The following CCDC88A variants were observed in gnomAD, a reference collection of about 807,000 sequenced individuals.
The protein encoded by CCDC88A is coiled-coil and HOOK domain protein 88A, also known as girdin.
Under a neutral mutation model 234.3 loss-of-function variants are expected in CCDC88A, and 54 were observed. The ratio of observed to expected loss-of-function variants is 0.23; its 90% CI spans 0.19 to 0.29. CCDC88A has a LOEUF of 0.29. Among genes scored for constraint, CCDC88A ranks in the 10% least tolerant of loss-of-function variants. The pLI is 1.00. For missense variants in CCDC88A, 1,832 were observed against 2,123.4 expected (o/e 0.86, Z 2.70); for synonymous variants, 753 against 737.8 (o/e 1.02, Z -0.33).
At chr2:55,307,180 A>T (rs72799523) in intron 25 of CCDC88A, among the ~76,000 whole-genome samples, 17 of 152,194 alleles carry the variant, frequency 1.1e-4, no homozygotes, top group Non-Finnish European at 1.6e-4. Context: ...CTTTAAAAAA[A>T]TTTTCTGATT....
chr2:55,394,808 T>A (rs1175709808), intron 2 of CCDC88A, among the ~76,000 whole-genome samples: 32 of 57,438 alleles, frequency 5.6e-4, no homozygotes, highest in Admixed American at 1.7e-3. Context: ...TAAAGTATAA[T>A]AATAATAAAA....
intron 4 of CCDC88A, among the ~76,000 whole-genome samples, chr2:55,373,508 T>C (rs1002671846): frequency 2.6e-5 from 4 of 152,202 alleles, no homozygotes; most frequent in Non-Finnish European, 5.9e-5. Context: ...AAATTTTATA[T>C]GCCAGAACAT....
chr2:55,386,378 C>T (rs1281202541), intron 3 of CCDC88A, among the ~76,000 whole-genome samples: 1 of 151,890 alleles, frequency 6.6e-6, no homozygotes, highest in Non-Finnish European at 1.5e-5. Flanking sequence ...GGCAAGAGGA[C>T]TGCTTGAGCC....
intron 27 of CCDC88A, chr2:55,301,655 G>C (rs1680914074): frequency 5.2e-6 from 3 of 575,308 alleles, no homozygotes; most frequent in Non-Finnish European, 9.2e-6. Context: ...TAATTCATTA[G>C]CTGTTTATTA....
chr2:55,299,943 G>A (rs1429511514), intron 28 of CCDC88A, 24 bp from the exon 29 acceptor site: 3 of 1,567,328 alleles, frequency 1.9e-6, no homozygotes, highest in African/African-American at 2.7e-5. Context: ...CCAGGAGACA[G>A]TGTGATAAAA....
At position 55,418,829 on chromosome 2, in the gene CCDC88A, C is replaced by G. The variant is rs1439596632; in HGVS notation, c.151G>C (p.Val51Leu). The G allele has an allele frequency of 6.2e-7, 1 of 1,613,278 alleles. No homozygotes were observed. The change falls in exon 2 of 33, where the codon GTC (valine) becomes CTC (leucine). Residue 51 changes from valine to leucine, a missense_variant. By Grantham distance (32) the Val-to-Leu change is conservative. Coordinates refer to ENST00000436346, the MANE Select transcript of CCDC88A (RefSeq NM_001365480.1). ...ALVDGVFLNQVMLQINPKLES... is the reference protein window; with the variant it reads ...ALVDGVFLNQLMLQINPKLES... ...GGAAGAACTTACATTTGGAGCATGA[C>G]CTGGTTCAAGAATACCCCATCCACC...
In CCDC88A at chr2:55,288,757, G is replaced by T. The variant is rs1679235585; in HGVS notation, c.*2443C>A. The T allele has an allele frequency of 1.3e-5, 2 of 152,214 alleles. No individual in the cohort carries two copies. Among genetic ancestry groups the T allele is most frequent in the Non-Finnish European group, 2.9e-5 (2 of 68,004 alleles). 9.4% of individuals were successfully genotyped at this position (152,214 alleles called of 1,614,324 possible). A position where few individuals can be genotyped will look rare whatever the true frequency, so the allele number is the denominator to read the frequency against. On this transcript the variant is annotated 3_prime_UTR_variant, in exon 33 of 33. Coordinates refer to ENST00000436346, the MANE Select transcript of CCDC88A (RefSeq NM_001365480.1). ...CAGTTTCCTTGAGGGGTTAGGTGTT[G>T]ATTTAGAATACAGCCAGATAATTTA...
intron 7 of CCDC88A, 60 bp from the exon 8 acceptor site, chr2:55,355,811 A>C (rs2104763768): frequency 7.6e-7 from 1 of 1,312,340 alleles, no homozygotes; most frequent in Non-Finnish European, 1.1e-6. Context: ...AAACACATCA[A>C]CATGATCCAC....
At chr2:55,369,910 A>G (rs1352005231) in intron 5 of CCDC88A, among the ~76,000 whole-genome samples, 2 of 152,208 alleles carry the variant, frequency 1.3e-5, no homozygotes, top group East Asian at 1.9e-4. Context: ...TGTCTTCTCT[A>G]AAATTCAAAC....
chr2:55,320,694 T>C (rs1683512476), intron 18 of CCDC88A: 1 of 152,222 alleles, frequency 6.6e-6, no homozygotes, highest in Admixed American at 6.5e-5. Flanking sequence ...ACCTAACTCA[T>C]AATTTTAAAT....
intron 17 of CCDC88A, among the ~76,000 whole-genome samples, chr2:55,326,687 TG>T (rs375715116): frequency 6.6e-6 from 1 of 152,230 alleles, no homozygotes; most frequent in African/African-American, 2.4e-5. Context: ...CTCAGCCTCC[TG>T]GGTAGCTGGC....
chr2:55,378,429 A>C (rs1362946063), intron 3 of CCDC88A, among the ~76,000 whole-genome samples: 2 of 152,244 alleles, frequency 1.3e-5, no homozygotes, highest in African/African-American at 4.8e-5. Context: ...AGTACATTGT[A>C]TTTGGGTAGA....
chr2:55,296,379 T>C lies in CCDC88A; in HGVS notation c.4970A>G (p.Gln1657Arg). The change falls in exon 30 of 33, where the codon CAG becomes CGG. Residue 1657 changes from glutamine (Q) to arginine (R), a missense_variant. This residue lies in a region of CCDC88A where 422 missense variants were observed against 416.5 expected (regional missense o/e 1.01). Coordinates refer to ENST00000436346, the MANE Select transcript of CCDC88A (RefSeq NM_001365480.1). ...CTCCAGTGTTTCAGATATTTTGTGC[T>C]GGAGCACTGGGCTTGATCTGGTCTG... ...KRQTRSSPVLQHKISETLESR... is the reference protein window; with the variant it reads ...KRQTRSSPVLRHKISETLESR... 1.2e-6 allele frequency: 2 copies of C among 1,614,236 alleles called. No individual in the cohort carries two copies. Among genetic ancestry groups the C allele is most frequent in the Non-Finnish European group, 1.7e-6 (2 of 1,180,044 alleles).
chr2:55,419,249 G>A lies in CCDC88A; in HGVS notation c.-170C>T, dbSNP rs1166160319. On this transcript the variant is annotated 5_prime_UTR_variant, in exon 1 of 33. Transcript: ENST00000436346. ...CCCTCCTCAAAAAACACCCCAGAGT[G>A]AAACGAGCCGAAATCCCAAGAAGTG... 1.7e-5 allele frequency: 10 copies of A among 581,820 alleles called. No individual in the cohort carries two copies. The African/African-American group carries it at 1.9e-4, about 11-fold the overall frequency. 36.0% of individuals were successfully genotyped at this position (581,820 alleles called of 1,614,324 possible).
intron 5 of CCDC88A, among the ~76,000 whole-genome samples, chr2:55,372,069 CCTCCCTTCCCTTCTCTT>C (rs1558761664): frequency 6.6e-6 from 1 of 151,966 alleles, no homozygotes; most frequent in Admixed American, 6.6e-5. Flanking sequence ...AATTCTGCCT[CCTCCCTTCCCTTCTCTT>C]CTCCCTTCCC....
intron 12 of CCDC88A, chr2:55,340,121 G>A (rs1208871960): frequency 1.3e-5 from 2 of 152,378 alleles, no homozygotes; most frequent in Admixed American, 6.5e-5. Context: ...ACCCAGCTAA[G>A]AGATACATGT....
intron 2 of CCDC88A, chr2:55,399,561 C>T (rs1421581211): frequency 6.7e-6 from 1 of 149,496 alleles, no homozygotes; most frequent in Non-Finnish European, 1.5e-5. Context: ...CTCCAGAGAA[C>T]TGAACTGAGA....
chr2:55,299,071 G>A (rs945181231), intron 29 of CCDC88A, among the ~76,000 whole-genome samples: 1 of 151,922 alleles, frequency 6.6e-6, no homozygotes, highest in African/African-American at 2.4e-5. Flanking sequence ...TGTGGTGGTC[G>A]TTGGCACCTG....
chr2:55,344,137 G>A (rs1668821525), intron 11 of CCDC88A: 6 of 366,792 alleles, frequency 1.6e-5, no homozygotes, highest in Non-Finnish European at 2.9e-5. Flanking sequence ...TATTTATTGT[G>A]GTATTAAAAG....
Sources: allele counts gnomAD v4.1 joint callset (sites outside exome capture counted in the v4.1 genomes callset), GRCh38; gene constraint gnomAD v4.1.1; regional missense constraint gnomAD v4.1.1; transcripts MANE v1.5; gene names NCBI Gene and HGNC (gene_info 2026-07-23, HGNC 2026-07-21).